PRPSAP2: variants seen among roughly 807,000 people sequenced by gnomAD.
The protein encoded by PRPSAP2 is phosphoribosyl pyrophosphate synthase-associated protein 2.
In PRPSAP2, 24 loss-of-function variants were observed where a neutral mutation model predicts 40.6. The observed-to-expected ratio is 0.59, with a 90% confidence interval of 0.43 to 0.83. PRPSAP2 has a LOEUF of 0.83. Ranked by LOEUF, PRPSAP2 falls within the 40% of genes least tolerant of loss-of-function variation. PRPSAP2 has a pLI of 0.00. For missense variants in PRPSAP2, 292 were observed against 465.6 expected (o/e 0.63, Z 3.43); for synonymous variants, 149 against 164.7 (o/e 0.90, Z 0.73).
At chr17:18,857,586 T>TA (rs1567653448), upstream of PRPSAP2, among the ~76,000 whole-genome samples, 1 of 149,590 alleles carries the variant, frequency 6.7e-6, no homozygotes, top group Non-Finnish European at 1.5e-5. Context: ...GCTAATTTTT[T>TA]TTTTTTGTAT....
At chr17:18,891,071 T>G (rs1316586482) in intron 8 of PRPSAP2, among the ~76,000 whole-genome samples, 14 of 152,212 alleles carry the variant, frequency 9.2e-5, no homozygotes, top group Non-Finnish European at 1.5e-5. Flanking sequence ...TAAAGCCTTT[T>G]TCCTAAAAAA....
chr17:18,870,733 C>G (rs574254047), intron 4 of PRPSAP2, among the ~76,000 whole-genome samples: 27 of 150,700 alleles, frequency 1.8e-4, no homozygotes, highest in African/African-American at 6.1e-4. Flanking sequence ...CACTTGAGTC[C>G]GGGAGGTGGA....
intron 10 of PRPSAP2, among the ~76,000 whole-genome samples, chr17:18,927,768 A>T (rs1357040069): frequency 6.6e-6 from 1 of 151,982 alleles, no homozygotes; most frequent in African/African-American, 2.4e-5. Flanking sequence ...CTTTTAAAGT[A>T]GCGTGTGTGT....
chr17:18,886,705 C>T (rs1052790114), intron 7 of PRPSAP2, among the ~76,000 whole-genome samples: 2 of 152,070 alleles, frequency 1.3e-5, no homozygotes, highest in African/African-American at 4.8e-5. Flanking sequence ...CTGTTGCCTT[C>T]CGCTGCACTG....
intron 6 of PRPSAP2, among the ~76,000 whole-genome samples, chr17:18,881,053 T>G (rs1213872939): frequency 2.0e-5 from 3 of 148,140 alleles, no homozygotes; most frequent in African/African-American, 7.5e-5. Context: ...AGGCTGGTCT[T>G]GAACTCCTGA....
intron 3 of PRPSAP2, 134 bp downstream of exon 3, chr17:18,866,086 C>A: frequency 1.7e-6 from 1 of 594,010 alleles, no homozygotes; most frequent in Non-Finnish European, 2.3e-6. Context: ...TTTTTTTCAT[C>A]ATGTATCTTT....
intron 8 of PRPSAP2, among the ~76,000 whole-genome samples, chr17:18,910,271 A>G (rs917565889): frequency 2.0e-5 from 3 of 152,108 alleles, no homozygotes; most frequent in Non-Finnish European, 2.9e-5. Flanking sequence ...AATACAAAAA[A>G]GTTAGCCAGA....
At chr17:18,861,986 C>A (rs942256498) in intron 1 of PRPSAP2, among the ~76,000 whole-genome samples, 1 of 152,212 alleles carries the variant, frequency 6.6e-6, no homozygotes, top group African/African-American at 2.4e-5. Flanking sequence ...CTCCCAGGTT[C>A]AAGCGATTCA....
chr17:18,901,980 C>T (rs533343706), intron 8 of PRPSAP2, among the ~76,000 whole-genome samples: 2 of 151,940 alleles, frequency 1.3e-5, no homozygotes, highest in Non-Finnish European at 2.9e-5. Context: ...AACGGGATCT[C>T]CCTATGTTGC....
At chr17:18,876,204 G>A (rs2038289585) in intron 5 of PRPSAP2, among the ~76,000 whole-genome samples, 1 of 152,158 alleles carries the variant, frequency 6.6e-6, no homozygotes, top group African/African-American at 2.4e-5. Flanking sequence ...CTACAGATTA[G>A]TGCTAGCACT....
chr17:18,874,013 T>C (rs920652549), intron 5 of PRPSAP2, among the ~76,000 whole-genome samples: 1 of 151,846 alleles, frequency 6.6e-6, no homozygotes, highest in African/African-American at 2.4e-5. Flanking sequence ...CAAACTATCC[T>C]CCTCCCTCAG....
At chr17:18,915,064 G>C (rs1437012664) in intron 9 of PRPSAP2, among the ~76,000 whole-genome samples, 1 of 127,502 alleles carries the variant, frequency 7.8e-6, no homozygotes, top group East Asian at 2.2e-4. Flanking sequence ...TTACTCTCTT[G>C]CTCAGGCTGG....
intron 10 of PRPSAP2, among the ~76,000 whole-genome samples, chr17:18,926,916 A>G (rs972562367): frequency 2.0e-5 from 3 of 152,148 alleles, no homozygotes; most frequent in East Asian, 1.9e-4. Context: ...TTTCATAGCT[A>G]CACTGACATC....
chr17:18,874,996 G>C (rs1196394845), intron 5 of PRPSAP2, among the ~76,000 whole-genome samples: 1 of 152,126 alleles, frequency 6.6e-6, no homozygotes, highest in Non-Finnish European at 1.5e-5. Context: ...TAGAATTTAG[G>C]ACTTCAGAAG....
At chr17:18,881,193 T>G (rs1333108711) in intron 6 of PRPSAP2, among the ~76,000 whole-genome samples, 19 of 151,942 alleles carry the variant, frequency 1.3e-4, no homozygotes, top group Non-Finnish European at 7.4e-5. Flanking sequence ...AAAAAATTTT[T>G]TTTGAAAAAT....
intron 11 of PRPSAP2, 123 bp from the exon 12 acceptor site, chr17:18,930,417 A>G (rs1040352905): frequency 1.5e-5 from 12 of 819,012 alleles, no homozygotes; most frequent in Admixed American, 2.6e-5. Flanking sequence ...GACTTGAGAC[A>G]TAGATCCACT....
chr17:18,923,974 C>T lies in PRPSAP2; in HGVS notation c.794C>T (p.Ala265Val), dbSNP rs767401307. The T allele has an allele frequency of 4.3e-6, 7 of 1,612,722 alleles. No individual in the cohort carries two copies. The highest frequency in any genetic ancestry group is 1.3e-5 in the African/African-American group (1 of 74,902). The change falls in exon 10 of 12, where the codon GCC becomes GTC. Residue 265 changes from alanine to valine, a missense_variant. By Grantham distance (64) the Ala-to-Val change is moderately conservative. This residue lies in a region of PRPSAP2 where 241 missense variants were observed against 425.7 expected (regional missense o/e 0.57). Transcript: ENST00000268835. ...TVVGDVGGRIAIIVDDIIDDV... is the reference protein window; with the variant it reads ...TVVGDVGGRIVIIVDDIIDDV... ...GTGGGTGATGTTGGAGGAAGGATTG[C>T]CATCATCGTGGTATGTAGACCTCTT... is the stretch of plus-strand genomic sequence containing the variant.
intron 5 of PRPSAP2, among the ~76,000 whole-genome samples, chr17:18,875,995 T>C (rs1388202084): frequency 6.6e-6 from 1 of 152,046 alleles, no homozygotes; most frequent in Non-Finnish European, 1.5e-5. Context: ...TAGCCGGGCA[T>C]GGTGGCGCAT....
chr17:18,885,286 C>A (rs11650570), intron 7 of PRPSAP2, among the ~76,000 whole-genome samples: 151,668 of 151,668 alleles, frequency 1, 75,834 homozygotes, highest in Non-Finnish European at 1. Flanking sequence ...CTGTGGTCCC[C>A]CCTACTCAAG....
Sources: allele counts gnomAD v4.1 joint callset (sites outside exome capture counted in the v4.1 genomes callset), GRCh38; gene constraint gnomAD v4.1.1; regional missense constraint gnomAD v4.1.1; transcripts MANE v1.5; gene names NCBI Gene and HGNC (gene_info 2026-07-23, HGNC 2026-07-21).